The following BDP1 variants were observed in gnomAD, a reference collection of about 807,000 sequenced individuals.
The protein encoded by BDP1 is BDP1 general transcription factor IIIB subunit, also known as transcription factor TFIIIB component B'' homolog.
Under a neutral mutation model 266.6 loss-of-function variants are expected in BDP1, and 169 were observed. The ratio of observed to expected loss-of-function variants is 0.63; its 90% CI spans 0.56 to 0.72. The LOEUF is 0.72. Among genes scored for constraint, BDP1 ranks in the 30% least tolerant of loss-of-function variants. BDP1 has a pLI of 0.00. For missense variants in BDP1, 3,015 were observed against 3,053.8 expected, an observed-to-expected ratio of 0.99 and a Z score of 0.30; for synonymous variants, 1,090 against 1,022.4, an observed-to-expected ratio of 1.07 and a Z score of -1.26.
chr5:71,546,252 T>C (rs1236257839), intron 32 of BDP1, among the ~76,000 whole-genome samples: 1 of 152,168 alleles, frequency 6.6e-6, no homozygotes, highest in Non-Finnish European at 1.5e-5. Flanking sequence ...TCCCATACAC[T>C]TCACTTTGAT....
intron 13 of BDP1, among the ~76,000 whole-genome samples, chr5:71,500,316 CTTTTTTT>C (rs58201517): frequency 4.1e-5 from 3 of 73,100 alleles, no homozygotes; most frequent in East Asian, 3.6e-4. Flanking sequence ...AATCTTGTTT[CTTTTTTT>C]TTTTTTTTTT....
chr5:71,455,948 C>T lies in BDP1; in HGVS notation c.71C>T (p.Ala24Val), dbSNP rs1314216308. 3 of 1,612,630 alleles carry T rather than the reference C, an allele frequency of 1.9e-6. No individual in the cohort carries two copies. The highest frequency in any genetic ancestry group is 2.5e-6 in the Non-Finnish European group (3 of 1,179,644). ...GGTGTAGGCGCCAGGGGCTCCACAGCTTCCAATCCCCAGCGTGGACGGGAG... is the reference window on the plus strand; with the variant it reads ...GGTGTAGGCGCCAGGGGCTCCACAGTTTCCAATCCCCAGCGTGGACGGGAG... Reference protein sequence around the residue: ...RPGVGARGSTASNPQRGRESP... With the variant: ...RPGVGARGSTVSNPQRGRESP... The change falls in exon 1 of 39, where the codon GCT (alanine) becomes GTT (valine). Residue 24 changes from alanine (A) to valine (V), a missense_variant. Physicochemically the swap from Ala to Val is moderately conservative, Grantham distance 64. Coordinates refer to ENST00000358731, the MANE Select transcript of BDP1 (RefSeq NM_018429.3).
chr5:71,486,967 A>G (rs1763298280), intron 9 of BDP1, among the ~76,000 whole-genome samples: 1 of 152,192 alleles, frequency 6.6e-6, no homozygotes, highest in African/African-American at 2.4e-5. Context: ...ATAAAATTCT[A>G]GGATTAAAAA....
chr5:71,460,391 A>G (rs1274735527), intron 2 of BDP1, among the ~76,000 whole-genome samples: 1 of 152,192 alleles, frequency 6.6e-6, no homozygotes, highest in African/African-American at 2.4e-5. Context: ...AAAAAAACCA[A>G]CCAAACAAAA....
At chr5:71,497,136 T>C in intron 12 of BDP1, 134 bp from the exon 13 acceptor site, 1 of 683,876 alleles carries the variant, frequency 1.5e-6, no homozygotes, top group Non-Finnish European at 2.4e-6. Context: ...GTTAGTCTCT[T>C]TAAGTTTTCT....
At position 71,481,595 on chromosome 5, in the gene BDP1, C is replaced by G. The variant is rs114085408; in HGVS notation, c.1015-2247C>G. Among the ~76,000 whole-genome samples the G allele has an allele frequency of 1.4e-3, 216 of 152,166 alleles. 1 individual carries two copies. The highest frequency in any genetic ancestry group is 6.8e-3 in the Middle Eastern group (2 of 294). Reference sequence around the variant, plus strand: ...ATAAAAAATAGTGTTGACTTTTGTTCTGGAAAACTGTTAATGTACTGCCAA... The same window carrying G: ...ATAAAAAATAGTGTTGACTTTTGTTGTGGAAAACTGTTAATGTACTGCCAA... On this transcript the variant is annotated intron_variant, in intron 7 of 38. Transcript: ENST00000358731.
chr5:71,483,907 A>AG lies in BDP1; in HGVS notation c.1069+12dup. On this transcript the variant is annotated intron_variant, in intron 8 of 38. Transcript: ENST00000358731. ...TAGACAAAGCATTCCGTAAGTATTA[A>AG]GACCTCTTTTACAAAGTATTACTTG... is the stretch of plus-strand genomic sequence containing the variant. 4 of 1,597,378 alleles carry AG rather than the reference A, an allele frequency of 2.5e-6. No homozygotes were observed. The highest frequency in any genetic ancestry group is 1.7e-4 in the Middle Eastern group (1 of 6,014).
chr5:71,488,296 T>G (rs1348354749), intron 9 of BDP1, among the ~76,000 whole-genome samples: 1 of 152,030 alleles, frequency 6.6e-6, no homozygotes, highest in Non-Finnish European at 1.5e-5. Context: ...CAGCTAATTT[T>G]TGTAATTTTT....
In BDP1 at chr5:71,456,087, C is replaced by T. The variant is rs1761163195; in HGVS notation, c.210C>T (p.Ser70=). ...AGCCCCAAGAAAAGGCTCCTAGGAG[C>T]AGGTAAGAGGTTGCAGAGGGAAGAA... The part of the protein sequence containing the change: ...GAEPQEKAPR[S]STEKTGGDND... Residue 70 remains serine, a splice_region_variant and synonymous_variant, in exon 1 of 39, where the codon AGC becomes AGT. Transcript: ENST00000358731. 1 of 1,612,442 alleles carries T rather than the reference C, an allele frequency of 6.2e-7. No homozygotes were observed. Among genetic ancestry groups the T allele is most frequent in the African/African-American group, 1.3e-5 (1 of 74,930 alleles).
At chr5:71,472,520 A>G (rs985000180) in intron 7 of BDP1, among the ~76,000 whole-genome samples, 1 of 152,182 alleles carries the variant, frequency 6.6e-6, no homozygotes, top group Non-Finnish European at 1.5e-5. Context: ...ATTTTCAAAT[A>G]TTGGACTAAT....
At chr5:71,458,968 C>A in intron 2 of BDP1, 113 bp downstream of exon 2, 1 of 959,138 alleles carries the variant, frequency 1.0e-6, no homozygotes, top group South Asian at 1.7e-5. Flanking sequence ...CACATAACAT[C>A]CCTTAGTCAA....
In BDP1 at chr5:71,522,743, T is replaced by C; in HGVS notation, c.5194-13T>C. 6.3e-7 allele frequency: 1 copy of C among 1,576,358 alleles called. No individual in the cohort carries two copies. Among genetic ancestry groups the C allele is most frequent in the Non-Finnish European group, 8.6e-7 (1 of 1,168,064 alleles). On this transcript the variant is annotated splice_polypyrimidine_tract_variant and intron_variant, in intron 23 of 38. Coordinates refer to ENST00000358731, the MANE Select transcript of BDP1 (RefSeq NM_018429.3). ...TCTGTAGTAATACTAGCTAATTTCT[T>C]CTTAAATTTAAGGAAAAAGCTGAGC...
At chr5:71,557,127 G>A (rs1454444144) in intron 36 of BDP1, among the ~76,000 whole-genome samples, 2 of 152,166 alleles carry the variant, frequency 1.3e-5, no homozygotes, top group South Asian at 2.1e-4. Flanking sequence ...CCTGTCATCA[G>A]TTGAAGACTA....
chr5:71,567,452 AG>A lies in BDP1; in HGVS notation c.*2568del, dbSNP rs1744099902. On this transcript the variant is annotated 3_prime_UTR_variant, in exon 39 of 39. Transcript: ENST00000358731. ...AATGTATTTACCTTACATGTTGGAA[AG>A]AACTATGTTAGGTCTGATTCATGTG... The A allele has an allele frequency of 1.3e-5, 2 of 152,366 alleles. No individual in the cohort carries two copies. The highest frequency in any genetic ancestry group is 4.8e-5 in the African/African-American group (2 of 41,590). The allele number at this position is 152,366 out of a possible 1,614,324, so 9.4% of individuals were successfully genotyped here. A position where few individuals can be genotyped will look rare whatever the true frequency, so the allele number is the denominator to read the frequency against.
chr5:71,578,126 G>A, the BDP1 span, among the ~76,000 whole-genome samples: 10 of 152,092 alleles, frequency 6.6e-5, no homozygotes, highest in Non-Finnish European at 1.2e-4. Context: ...CCTATTGTTC[G>A]AGGAATGCAG....
chr5:71,499,323 A>G (rs914093610), intron 13 of BDP1, among the ~76,000 whole-genome samples: 2 of 152,156 alleles, frequency 1.3e-5, no homozygotes, highest in African/African-American at 4.8e-5. Flanking sequence ...GTGCCCTGCC[A>G]AAACCTTTTT....
rs555141541 is a variant in BDP1, at chr5:71,537,339, C to G, written c.5893-1703C>G. 2.0e-5 allele frequency among the ~76,000 whole-genome samples: 3 copies of G among 151,990 alleles called. No individual in the cohort carries two copies. The South Asian group carries it at 6.2e-4, about 32-fold the overall frequency. ...ATCGCACACTGTTTTCTGGTTGTAC[C>G]AAAAAATAAACAACTGGAAAATGAT... On this transcript the variant is annotated intron_variant, in intron 26 of 38. Coordinates refer to ENST00000358731, the MANE Select transcript of BDP1 (RefSeq NM_018429.3).
intron 10 of BDP1, 75 bp downstream of exon 10, chr5:71,489,757 A>T: frequency 7.6e-7 from 1 of 1,317,930 alleles, no homozygotes; most frequent in African/African-American, 1.5e-5. Context: ...ATGTAACTTA[A>T]TTTTCTGTCT....
intron 10 of BDP1, 77 bp downstream of exon 10, chr5:71,489,759 T>C: frequency 7.7e-7 from 1 of 1,306,554 alleles, no homozygotes; most frequent in Non-Finnish European, 1.1e-6. Flanking sequence ...GTAACTTAAT[T>C]TTCTGTCTAG....
Sources: gnomAD v4.1 joint callset for allele counts (sites outside exome capture counted in the v4.1 genomes callset) on GRCh38, gnomAD v4.1.1 for gene constraint, MANE v1.5 for transcripts, NCBI Gene and HGNC (gene_info 2026-07-23, HGNC 2026-07-21) for gene names.